GRM7: variants seen among roughly 807,000 people sequenced by gnomAD.
GRM7 encodes the protein glutamate metabotropic receptor 7.
Under a neutral mutation model 84.5 loss-of-function variants are expected in GRM7, and 35 were observed. The observed-to-expected ratio is 0.41, with a 90% CI of 0.32 to 0.55. The LOEUF (loss-of-function observed/expected upper bound fraction) is 0.55, where lower values mean the gene tolerates loss of function less well. GRM7 is among the 20% of genes least tolerant of loss of function. GRM7 has a pLI of 0.19. For synonymous variants in GRM7, 487 were observed against 455.1 expected (o/e 1.07, Z -0.89); for missense variants, 1,003 against 1,194.6 (o/e 0.84, Z 2.36).
intron 4 of GRM7, among the ~76,000 whole-genome samples, chr3:7,396,860 C>T (rs967976567): frequency 8.5e-5 from 13 of 152,080 alleles, no homozygotes; most frequent in Non-Finnish European, 1.0e-4. Context: ...AAAATAGTTT[C>T]GTACCATAAA....
intron 8 of GRM7, among the ~76,000 whole-genome samples, chr3:7,652,742 C>G (rs1240461327): frequency 2.6e-5 from 4 of 152,186 alleles, no homozygotes; most frequent in Non-Finnish European, 5.9e-5. Context: ...AAACCCATTT[C>G]AGTAAATTTA....
intron 8 of GRM7, among the ~76,000 whole-genome samples, chr3:7,661,367 G>A (rs959386771): frequency 6.6e-6 from 1 of 152,110 alleles, no homozygotes; most frequent in African/African-American, 2.4e-5. Flanking sequence ...CCAGTCGTTA[G>A]AAAAACAAAA....
intron 8 of GRM7, among the ~76,000 whole-genome samples, chr3:7,663,449 T>A (rs1359512929): frequency 6.6e-6 from 1 of 152,186 alleles, no homozygotes; most frequent in Non-Finnish European, 1.5e-5. Flanking sequence ...TGGTGAACTT[T>A]CCAGCATCTG....
intron 8 of GRM7, 91 bp from the exon 9 acceptor site, chr3:7,679,958 G>C: frequency 2.5e-6 from 3 of 1,196,162 alleles, no homozygotes; most frequent in Non-Finnish European, 3.6e-6. Context: ...TTATCTCCTA[G>C]CCATAGTCGT....
intron 8 of GRM7, among the ~76,000 whole-genome samples, chr3:7,619,949 C>A (rs1040566854): frequency 3.3e-5 from 5 of 152,070 alleles, no homozygotes; most frequent in Admixed American, 2.6e-4. Flanking sequence ...AAAATTCTGC[C>A]TTTGCCTTAT....
intron 7 of GRM7, 75 bp from the exon 8 acceptor site, chr3:7,578,347 T>C (rs1695062735): frequency 1.1e-6 from 1 of 930,720 alleles, no homozygotes; most frequent in African/African-American, 1.6e-5. Flanking sequence ...CCATGAGTAC[T>C]GTTTGCTGCT....
intron 4 of GRM7, among the ~76,000 whole-genome samples, chr3:7,357,190 G>T (rs1209320819): frequency 2.6e-5 from 4 of 151,686 alleles, no homozygotes; most frequent in Non-Finnish European, 4.4e-5. Context: ...ATAAGCATTT[G>T]TATAATCTAA....
chr3:7,321,523 T>C (rs1700781178), intron 4 of GRM7, among the ~76,000 whole-genome samples: 1 of 152,068 alleles, frequency 6.6e-6, no homozygotes, highest in African/African-American at 2.4e-5. Context: ...TCCCTGTTCT[T>C]ATACAACAAA....
At chr3:7,508,141 G>C (rs1700092043) in intron 7 of GRM7, among the ~76,000 whole-genome samples, 1 of 152,156 alleles carries the variant, frequency 6.6e-6, no homozygotes, top group Admixed American at 6.6e-5. Flanking sequence ...AGTGCTGGTT[G>C]ATTCTGTGAA....
At chr3:7,170,155 C>T (rs1400164) in intron 2 of GRM7, among the ~76,000 whole-genome samples, 2 of 152,154 alleles carry the variant, frequency 1.3e-5, no homozygotes, top group Non-Finnish European at 2.9e-5. Context: ...GAAGCATGTT[C>T]TCTCCATCTG....
intron 1 of GRM7, among the ~76,000 whole-genome samples, chr3:7,108,663 C>T (rs375814522): frequency 7.9e-5 from 12 of 152,074 alleles, no homozygotes; most frequent in African/African-American, 2.4e-4. Flanking sequence ...ACATCTTACA[C>T]CACACCAGAT....
At chr3:7,737,059 G>A (rs1365849438) in intron 9 of GRM7, among the ~76,000 whole-genome samples, 1 of 151,988 alleles carries the variant, frequency 6.6e-6, no homozygotes, top group African/African-American at 2.4e-5. Flanking sequence ...TTGAATCTGG[G>A]TTACGCGTGT....
intron 4 of GRM7, among the ~76,000 whole-genome samples, chr3:7,371,256 C>T (rs1264085149): frequency 6.6e-6 from 1 of 152,150 alleles, no homozygotes; most frequent in Non-Finnish European, 1.5e-5. Context: ...AAAACTGGCT[C>T]AAATTCTGAA....
chr3:6,869,995 C>T (rs74285809), intron 1 of GRM7, among the ~76,000 whole-genome samples: 1 of 152,072 alleles, frequency 6.6e-6, no homozygotes, highest in East Asian at 1.9e-4. Flanking sequence ...TAAAAGCTCT[C>T]TCTCTCCTTC....
intron 8 of GRM7, among the ~76,000 whole-genome samples, chr3:7,581,246 T>C (rs3804902): frequency 0.16 from 23,925 of 152,070 alleles, 2,239 homozygotes; most frequent in Middle Eastern, 0.29. Flanking sequence ...TGAAACAAGG[T>C]TTCAGGAATT....
chr3:7,401,205 A>G (rs750737257), intron 4 of GRM7, among the ~76,000 whole-genome samples: 3 of 152,146 alleles, frequency 2.0e-5, no homozygotes, highest in Non-Finnish European at 4.4e-5. Context: ...CCTGGTGACT[A>G]AAATGAGATT....
intron 7 of GRM7, among the ~76,000 whole-genome samples, chr3:7,562,341 C>A (rs1694061819): frequency 6.7e-6 from 1 of 150,346 alleles, no homozygotes; most frequent in African/African-American, 2.5e-5. Context: ...GTTCACTTTC[C>A]CCCTTATATT....
intron 2 of GRM7, among the ~76,000 whole-genome samples, chr3:7,287,284 T>G (rs1237205812): frequency 6.6e-6 from 1 of 152,170 alleles, no homozygotes; most frequent in African/African-American, 2.4e-5. Flanking sequence ...ACTTGACTTC[T>G]GTTGGAATTC....
At chr3:7,658,852 C>CA (rs1207368202) in intron 8 of GRM7, among the ~76,000 whole-genome samples, 3 of 152,052 alleles carry the variant, frequency 2.0e-5, no homozygotes, top group Admixed American at 6.6e-5. Context: ...TGCTTTTCAG[C>CA]TTTTTTTACA....
Sources: allele counts gnomAD v4.1 joint callset (sites outside exome capture counted in the v4.1 genomes callset), GRCh38; gene constraint gnomAD v4.1.1; transcripts MANE v1.5; gene names NCBI Gene and HGNC (gene_info 2026-07-23, HGNC 2026-07-21).